The following RBPMS variants were observed in gnomAD, a reference collection of about 807,000 sequenced individuals.
The protein encoded by RBPMS is RNA binding protein, mRNA processing factor.
In RBPMS, 7 loss-of-function variants were observed where a neutral mutation model predicts 26.8. The observed-to-expected ratio is 0.26, with a 90% CI of 0.15 to 0.49. RBPMS has a LOEUF of 0.49. Ranked by LOEUF, RBPMS falls within the 20% of genes least tolerant of loss-of-function variation. The pLI is 0.98. For missense variants in RBPMS, 186 were observed against 250.0 expected, an observed-to-expected ratio of 0.74 and a Z score of 1.73; for synonymous variants, 96 against 93.3, an observed-to-expected ratio of 1.03 and a Z score of -0.17.
At chr8:30,440,590 C>T (rs569449490) in intron 1 of RBPMS, among the ~76,000 whole-genome samples, 1 of 152,154 alleles carries the variant, frequency 6.6e-6, no homozygotes, top group Non-Finnish European at 1.5e-5. Context: ...GTTGCTTCCA[C>T]CACCTGGCTA....
At chr8:30,497,769 C>G (rs1364062889) in intron 4 of RBPMS, among the ~76,000 whole-genome samples, 1 of 151,838 alleles carries the variant, frequency 6.6e-6, no homozygotes. Context: ...ACTACAGGCG[C>G]CCGCCACCAC....
chr8:30,560,121 A>C (rs1827325432), intron 7 of RBPMS, among the ~76,000 whole-genome samples: 1 of 152,194 alleles, frequency 6.6e-6, no homozygotes, highest in Non-Finnish European at 1.5e-5. Flanking sequence ...GTGAAGAAGA[A>C]AGAGAGCATT....
At chr8:30,465,507 C>T (rs984871402) in intron 1 of RBPMS, among the ~76,000 whole-genome samples, 1 of 152,172 alleles carries the variant, frequency 6.6e-6, no homozygotes, top group Non-Finnish European at 1.5e-5. Context: ...TCCTATCAGG[C>T]GGGGCACAGT....
intron 5 of RBPMS, among the ~76,000 whole-genome samples, chr8:30,511,617 G>A (rs1450394228): frequency 6.9e-6 from 1 of 145,218 alleles, no homozygotes; most frequent in Non-Finnish European, 1.5e-5. Flanking sequence ...ATATATATTT[G>A]TATATATATG....
At chr8:30,450,495 G>C (rs575846335) in intron 1 of RBPMS, among the ~76,000 whole-genome samples, 1 of 152,274 alleles carries the variant, frequency 6.6e-6, no homozygotes, top group East Asian at 1.9e-4. Flanking sequence ...GGTCACTTCA[G>C]GTAGAGTCAG....
At chr8:30,545,520 T>G in intron 6 of RBPMS, 4 of 872,692 alleles carry the variant, frequency 4.6e-6, no homozygotes, top group Non-Finnish European at 5.5e-6. Context: ...CCTTTAAATT[T>G]TAAATTTTTA....
intron 2 of RBPMS, among the ~76,000 whole-genome samples, chr8:30,475,534 G>A (rs1585592213): frequency 6.6e-6 from 1 of 152,256 alleles, no homozygotes; most frequent in African/African-American, 2.4e-5. Flanking sequence ...GTCTTAAGTT[G>A]GTCAGTGTGG....
chr8:30,443,805 C>G (rs934307182), intron 1 of RBPMS, among the ~76,000 whole-genome samples: 1 of 151,920 alleles, frequency 6.6e-6, no homozygotes, highest in Non-Finnish European at 1.5e-5. Context: ...CCGCGTTGGC[C>G]GGGATGGTCT....
chr8:30,561,563 G>A (rs929407972), intron 7 of RBPMS, among the ~76,000 whole-genome samples: 11 of 152,200 alleles, frequency 7.2e-5, no homozygotes, highest in Non-Finnish European at 1.0e-4. Context: ...TAAACTGACC[G>A]TTGAGGAAGT....
intron 1 of RBPMS, among the ~76,000 whole-genome samples, chr8:30,460,614 A>G (rs1013873581): frequency 8.5e-5 from 13 of 152,206 alleles, no homozygotes; most frequent in Non-Finnish European, 1.9e-4. Flanking sequence ...GGAATTAAGT[A>G]TAGATATTAA....
At position 30,544,631 on chromosome 8, in the gene RBPMS, G is replaced by A. The variant is rs1825712781; in HGVS notation, c.528+7G>A. 3 of 1,613,630 alleles carry A rather than the reference G, an allele frequency of 1.9e-6. No individual in the cohort carries two copies. The highest frequency in any genetic ancestry group is 2.5e-6 in the Non-Finnish European group (3 of 1,180,038). On this transcript the variant is annotated splice_region_variant and intron_variant, in intron 6 of 8. Coordinates refer to ENST00000397323, the MANE Select transcript of RBPMS (RefSeq NM_001008710.3). The stretch of plus-strand genomic sequence containing the variant: ...CGCTTCACTGCATGCCCAGGTAATT[G>A]ATACCCATCGGCCAGGACTTCACTC...
chr8:30,455,266 C>A (rs1288863374), intron 1 of RBPMS, among the ~76,000 whole-genome samples: 1 of 152,128 alleles, frequency 6.6e-6, no homozygotes, highest in Non-Finnish European at 1.5e-5. Flanking sequence ...TTAGGGCTTT[C>A]TCTAAGTGAG....
intron 4 of RBPMS, among the ~76,000 whole-genome samples, chr8:30,501,452 C>CG (rs1467613976): frequency 1.3e-3 from 199 of 152,186 alleles, no homozygotes; most frequent in African/African-American, 4.4e-3. Context: ...TGTTGTTTCT[C>CG]AGCAGTGTCC....
At chr8:30,509,331 A>T (rs918758231) in intron 5 of RBPMS, among the ~76,000 whole-genome samples, 23 of 152,092 alleles carry the variant, frequency 1.5e-4, no homozygotes, top group African/African-American at 5.3e-4. Context: ...TGATCAGCAC[A>T]TAACATTTTG....
intron 1 of RBPMS, among the ~76,000 whole-genome samples, chr8:30,454,074 C>T (rs1412246565): frequency 6.6e-6 from 1 of 152,168 alleles, no homozygotes; most frequent in African/African-American, 2.4e-5. Context: ...CAGCAGATTA[C>T]CTTTCTGATT....
At chr8:30,453,525 T>G (rs1055108629) in intron 1 of RBPMS, 2 of 152,240 alleles carry the variant, frequency 1.3e-5, no homozygotes, top group African/African-American at 4.8e-5. Flanking sequence ...GTTCTCTTAT[T>G]ACATTATTCA....
chr8:30,416,764 C>T (rs1810132802), intron 1 of RBPMS, among the ~76,000 whole-genome samples: 1 of 151,982 alleles, frequency 6.6e-6, no homozygotes, highest in African/African-American at 2.4e-5. Context: ...TGAGCCACTG[C>T]ACCCTGCCTT....
At chr8:30,466,419 A>G (rs112403690) in intron 1 of RBPMS, among the ~76,000 whole-genome samples, 2,622 of 152,102 alleles carry the variant, frequency 0.017, 60 homozygotes, top group African/African-American at 0.059. Context: ...TGTGGCACAC[A>G]CCTTTAGTCC....
intron 6 of RBPMS, chr8:30,556,605 G>A (rs546848925): frequency 1.4e-5 from 14 of 986,358 alleles, no homozygotes; most frequent in African/African-American, 5.2e-5. Context: ...ACACCACTGC[G>A]CTCCACACTG....
Sources: allele counts gnomAD v4.1 joint callset (sites outside exome capture counted in the v4.1 genomes callset), GRCh38; gene constraint gnomAD v4.1.1; transcripts MANE v1.5; gene names NCBI Gene and HGNC (gene_info 2026-07-23, HGNC 2026-07-21).